The following UST variants were observed in gnomAD, a reference collection of about 807,000 sequenced individuals.
UST encodes the protein uronyl 2-sulfotransferase.
A neutral mutation model predicts 45.6 loss-of-function variants in UST; 21 were observed. The ratio of observed to expected loss-of-function variants is 0.46; its 90% CI spans 0.33 to 0.66. The LOEUF (loss-of-function observed/expected upper bound fraction) is 0.66, where lower values mean the gene tolerates loss of function less well. UST is among the 30% of genes least tolerant of loss of function. The pLI, the probability that UST is intolerant of heterozygous loss-of-function variation, is 0.02. For missense variants in UST, 463 were observed against 512.4 expected (o/e 0.90, Z 0.93); for synonymous variants, 215 against 200.6 (o/e 1.07, Z -0.61).
intron 1 of UST, among the ~76,000 whole-genome samples, chr6:148,873,481 G>T (rs983791232): frequency 1.3e-5 from 2 of 152,170 alleles, no homozygotes; most frequent in Non-Finnish European, 2.9e-5. Context: ...GCTGGGGGGT[G>T]CTGGATGTTG....
At chr6:148,894,431 G>A (rs1174404255) in intron 2 of UST, among the ~76,000 whole-genome samples, 2 of 152,178 alleles carry the variant, frequency 1.3e-5, no homozygotes, top group Non-Finnish European at 2.9e-5. Context: ...ACAGGAGAAT[G>A]CAGTAGGGAC....
intron 5 of UST, among the ~76,000 whole-genome samples, chr6:148,982,251 A>T (rs1357538689): frequency 6.6e-6 from 1 of 151,914 alleles, no homozygotes; most frequent in Admixed American, 6.5e-5. Flanking sequence ...GGCGTGCACC[A>T]CCACACCTGG....
intron 1 of UST, among the ~76,000 whole-genome samples, chr6:148,873,311 G>C (rs1485789323): frequency 6.6e-6 from 1 of 152,112 alleles, no homozygotes; most frequent in Non-Finnish European, 1.5e-5. Flanking sequence ...GCTCTGAGTG[G>C]CTGCTGAGAT....
chr6:148,754,187 G>A (rs1474700794), intron 1 of UST, among the ~76,000 whole-genome samples: 4 of 152,012 alleles, frequency 2.6e-5, no homozygotes, highest in East Asian at 1.9e-4. Context: ...TAGTAGAGAT[G>A]GGGTTTCACT....
intron 1 of UST, among the ~76,000 whole-genome samples, chr6:148,778,601 A>T (rs1045040285): frequency 4.6e-5 from 7 of 152,020 alleles, no homozygotes; most frequent in Non-Finnish European, 8.8e-5. Flanking sequence ...CAGGCAGGGC[A>T]CTCTGGTGTG....
intron 1 of UST, among the ~76,000 whole-genome samples, chr6:148,849,717 C>T (rs1778069217): frequency 6.6e-6 from 1 of 152,168 alleles, no homozygotes; most frequent in Non-Finnish European, 1.5e-5. Flanking sequence ...TGAGAACTCA[C>T]TCACTATCAT....
chr6:148,792,952 C>T (rs970676534), intron 1 of UST, among the ~76,000 whole-genome samples: 7 of 152,082 alleles, frequency 4.6e-5, no homozygotes, highest in African/African-American at 1.2e-4. Flanking sequence ...ATGATTGTTA[C>T]AGTGTTGATT....
chr6:148,770,489 G>C (rs1776403942), intron 1 of UST, among the ~76,000 whole-genome samples: 1 of 151,906 alleles, frequency 6.6e-6, no homozygotes, highest in Non-Finnish European at 1.5e-5. Flanking sequence ...TACAGTAAAA[G>C]GAACTTGTAC....
intron 7 of UST, among the ~76,000 whole-genome samples, chr6:149,045,600 A>G (rs1313183722): frequency 6.6e-6 from 1 of 152,166 alleles, no homozygotes; most frequent in Non-Finnish European, 1.5e-5. Context: ...TGTCCACCAC[A>G]GGGAGGTGAC....
intron 2 of UST, among the ~76,000 whole-genome samples, chr6:148,898,214 C>T (rs534760318): frequency 1.8e-4 from 28 of 152,174 alleles, no homozygotes; most frequent in Admixed American, 3.3e-4. Context: ...GTCCCTTCCA[C>T]CCTCTCATTT....
intron 5 of UST, among the ~76,000 whole-genome samples, chr6:149,016,273 G>A (rs985014054): frequency 9.9e-5 from 15 of 152,280 alleles, no homozygotes; most frequent in African/African-American, 2.4e-4. Flanking sequence ...AATTGACCTC[G>A]TGAGGTTATT....
intron 2 of UST, among the ~76,000 whole-genome samples, chr6:148,917,680 G>A (rs1357407346): frequency 1.3e-5 from 2 of 152,188 alleles, no homozygotes; most frequent in Non-Finnish European, 2.9e-5. Flanking sequence ...GTGCTCAAAC[G>A]CAAGGTGCTG....
rs1776862114 is a variant in UST, at chr6:149,074,428, T to C, written c.*312T>C. The C allele has an allele frequency of 2.9e-6, 1 of 342,352 alleles. No homozygotes were observed. The highest frequency in any genetic ancestry group is 5.3e-6 in the Non-Finnish European group (1 of 187,412). The allele number at this position is 342,352 out of a possible 1,614,324, so 21.2% of individuals were successfully genotyped here. ...AGGGGGAGAAATATAGCCCCTAGCCTAATAACTTATCATTTGTAAAATGAC... is the reference window on the plus strand; with the variant it reads ...AGGGGGAGAAATATAGCCCCTAGCCCAATAACTTATCATTTGTAAAATGAC... On this transcript the variant is annotated 3_prime_UTR_variant, in exon 8 of 8. Coordinates refer to ENST00000367463, the MANE Select transcript of UST (RefSeq NM_005715.3).
intron 2 of UST, among the ~76,000 whole-genome samples, chr6:148,924,423 T>C (rs1779773032): frequency 6.6e-6 from 1 of 152,118 alleles, no homozygotes; most frequent in South Asian, 2.1e-4. Context: ...CATCACTGCA[T>C]CCTCGGGCAC....
intron 1 of UST, among the ~76,000 whole-genome samples, chr6:148,798,586 TG>T (rs1776994737): frequency 6.6e-6 from 1 of 152,032 alleles, no homozygotes; most frequent in African/African-American, 2.4e-5. Flanking sequence ...GGACCAAGGA[TG>T]GATCCTTGGG....
intron 5 of UST, chr6:148,993,074 T>G: frequency 2.0e-6 from 2 of 985,420 alleles, no homozygotes; most frequent in Non-Finnish European, 2.4e-6. Flanking sequence ...GAGGTGACAT[T>G]TGTTTCTTAG....
At chr6:148,773,829 G>A (rs146730953) in intron 1 of UST, among the ~76,000 whole-genome samples, 127 of 152,280 alleles carry the variant, frequency 8.3e-4, no homozygotes, top group African/African-American at 2.7e-3. Flanking sequence ...GACTTCCAGC[G>A]GGATGGGCGT....
At chr6:149,049,007 T>C (rs914805913) in intron 7 of UST, among the ~76,000 whole-genome samples, 3 of 152,262 alleles carry the variant, frequency 2.0e-5, no homozygotes, top group Non-Finnish European at 4.4e-5. Flanking sequence ...GCAGAACTGA[T>C]AGAAAAATCC....
intron 1 of UST, among the ~76,000 whole-genome samples, chr6:148,765,367 A>G (rs760992583): frequency 2.6e-5 from 4 of 152,108 alleles, no homozygotes; most frequent in Non-Finnish European, 4.4e-5. Context: ...GGTTACTATC[A>G]TCTTGTAGTA....
Sources: allele counts gnomAD v4.1 joint callset (sites outside exome capture counted in the v4.1 genomes callset), GRCh38; gene constraint gnomAD v4.1.1; transcripts MANE v1.5; gene names NCBI Gene and HGNC (gene_info 2026-07-23, HGNC 2026-07-21).